The following MRPL4 variants were observed in gnomAD, a reference collection of about 807,000 sequenced individuals.
The protein encoded by MRPL4 is large ribosomal subunit protein uL4m.
A neutral mutation model predicts 34.1 loss-of-function variants in MRPL4; 34 were observed. The ratio of observed to expected loss-of-function variants is 1.00; its 90% CI spans 0.76 to 1.33. MRPL4 has a LOEUF of 1.33. Among genes scored for constraint, MRPL4 ranks in the 40% most tolerant of loss-of-function variants. The pLI is 0.00. For missense variants in MRPL4, 402 were observed against 434.6 expected (o/e 0.92, Z 0.67); for synonymous variants, 196 against 188.3 (o/e 1.04, Z -0.33).
Position 10,252,621 on chromosome 19 carries a change from G to C in MRPL4, c.195G>C (p.Trp65Cys), listed in dbSNP as rs1365948230. 2.5e-6 allele frequency: 4 copies of C among 1,611,946 alleles called. No individual in the cohort carries two copies. Among genetic ancestry groups the C allele is most frequent in the Non-Finnish European group, 3.4e-6 (4 of 1,179,906 alleles). The change falls in exon 3 of 9, where the codon TGG (tryptophan) becomes TGC (cysteine). Residue 65 changes from tryptophan to cysteine, a missense_variant. Coordinates refer to ENST00000253099, the MANE Select transcript of MRPL4 (RefSeq NM_015956.3). ...VPTHRRPVQA[W>C]VESLRGFEQE... ...CTCATCGACGCCCAGTGCAGGCCTG[G>C]GTCGAGTCCTTGCGGGGCTTCGAGC...
chr19:10,253,784 T>G (rs1229303821), intron 3 of MRPL4, among the ~76,000 whole-genome samples: 1 of 122,120 alleles, frequency 8.2e-6, no homozygotes, highest in East Asian at 2.6e-4. Flanking sequence ...AGAGACAGAC[T>G]CCATCTCAAA....
intron 8 of MRPL4, chr19:10,259,275 G>A (rs1346038504): frequency 7.4e-7 from 1 of 1,353,968 alleles, no homozygotes; most frequent in Admixed American, 3.6e-5. Context: ...TCATCAGGGT[G>A]GCACGTCAGG....
rs1014913671 is a variant in MRPL4, at chr19:10,258,341, G to T, written c.552+13G>T. The T allele has an allele frequency of 2.5e-6, 4 of 1,613,876 alleles. No individual in the cohort carries two copies. The highest frequency in any genetic ancestry group is 2.2e-5 in the East Asian group (1 of 44,882). On this transcript the variant is annotated intron_variant, in intron 6 of 8. Transcript: ENST00000253099. ...CAAGCTGGCCCAGGTACAGCCATGG[G>T]GGGGCCCAGACAGCTGCTAGAGGTG...
chr19:10,259,556 G>A (rs2039889416), intron 8 of MRPL4, 61 bp from the exon 9 acceptor site: 3 of 1,542,526 alleles, frequency 1.9e-6, no homozygotes, highest in East Asian at 2.4e-5. Flanking sequence ...TGTGGGTGGG[G>A]TGAGGAGAGA....
chr19:10,257,176 T>G (rs73015182), intron 5 of MRPL4, among the ~76,000 whole-genome samples: 33,870 of 151,982 alleles, frequency 0.22, 4,870 homozygotes, highest in Non-Finnish European at 0.31. Context: ...ACTCCGGACC[T>G]CGGCCTTTGT....
Position 10,258,703 on chromosome 19 carries a change from G to T in MRPL4, c.739+18G>T. The T allele has an allele frequency of 1.9e-6, 3 of 1,614,076 alleles. No homozygotes were observed. Among genetic ancestry groups the T allele is most frequent in the Non-Finnish European group, 2.5e-6 (3 of 1,180,024 alleles). On this transcript the variant is annotated intron_variant, in intron 8 of 8. Coordinates refer to ENST00000253099, the MANE Select transcript of MRPL4 (RefSeq NM_015956.3). ...GGCTGTTGGTGAGCAAAGAGCCCAG[G>T]CCCCTAGAGTGCGCATGTGCAGGCT...
At chr19:10,259,518 G>C in intron 8 of MRPL4, 99 bp from the exon 9 acceptor site, 1 of 1,513,650 alleles carries the variant, frequency 6.6e-7, no homozygotes, top group Non-Finnish European at 8.8e-7. Flanking sequence ...CCACAGTGAC[G>C]ATCTCTGTAA....
rs559406887 is a variant in MRPL4, at chr19:10,252,459, C to G, written c.120C>G (p.Ser40Arg). 299 of 1,613,898 alleles carry G rather than the reference C, an allele frequency of 1.9e-4. 8 individuals are homozygous for G. In the South Asian group the frequency reaches 3.2e-3, roughly 17 times the overall value. Residue 40 changes from serine (S) to arginine (R), a missense_variant, in exon 2 of 9, where the codon AGC (serine) becomes AGG (arginine). Transcript: ENST00000253099. ...RATENPEQVA[S>R]EGLPEPVLRK... ...CCGAGAACCCGGAGCAGGTGGCGAG[C>G]GAGGGTAAGGCAACCGGGGTGGCTC...
intron 1 of MRPL4, 24 bp from the exon 2 acceptor site, chr19:10,252,373 C>G: frequency 1.2e-6 from 2 of 1,614,062 alleles, no homozygotes; most frequent in Non-Finnish European, 1.7e-6. Context: ...GGGGTCGTCT[C>G]TCACTTTCGC....
At chr19:10,252,966 TTGTCCCTCAG>T (rs1265336942) in intron 3 of MRPL4, 2 of 473,852 alleles carry the variant, frequency 4.2e-6, no homozygotes, top group Non-Finnish European at 7.4e-6. Context: ...CCTTCCCCTC[TTGTCCCTCAG>T]TGTCCCTATT....
chr19:10,254,549 A>G, intron 3 of MRPL4, 40 bp from the exon 4 acceptor site: 4 of 1,610,700 alleles, frequency 2.5e-6, no homozygotes, highest in Non-Finnish European at 2.5e-6. Flanking sequence ...GGAGCGTTTG[A>G]AGCAGAGTTG....
chr19:10,256,614 G>T (rs1018733208), intron 4 of MRPL4, 94 bp from the exon 5 acceptor site: 1 of 976,928 alleles, frequency 1.0e-6, no homozygotes, highest in Non-Finnish European at 1.6e-6. Flanking sequence ...TCATCATGGT[G>T]CCTCCTGTCT....
chr19:10,255,825 T>A (rs2039846120), intron 4 of MRPL4: 1 of 152,340 alleles, frequency 6.6e-6, no homozygotes, highest in East Asian at 1.9e-4. Context: ...TGGCCCTCCC[T>A]CCTTGTGGCT....
chr19:10,253,999 A>G (rs1011123287), intron 3 of MRPL4, among the ~76,000 whole-genome samples: 2 of 152,066 alleles, frequency 1.3e-5, no homozygotes, highest in East Asian at 1.9e-4. Flanking sequence ...AAGTAATGGT[A>G]GGAAAAACAA....
intron 6 of MRPL4, 37 bp from the exon 7 acceptor site, chr19:10,258,376 T>C: frequency 6.2e-7 from 1 of 1,613,884 alleles, no homozygotes; most frequent in Admixed American, 1.7e-5. Flanking sequence ...GGGGCTGCTC[T>C]GGACCCAGGG....
Position 10,254,582 on chromosome 19 carries a change from C to T in MRPL4, c.276-7C>T, listed in dbSNP as rs1344122791. 6.2e-7 allele frequency: 1 copy of T among 1,613,502 alleles called. No individual in the cohort carries two copies. The highest frequency in any genetic ancestry group is 1.3e-5 in the African/African-American group (1 of 75,048). On this transcript the variant is annotated splice_region_variant and splice_polypyrimidine_tract_variant and intron_variant, in intron 3 of 8. Transcript: ENST00000253099. ...TTGGGCTTCTCATGTGTCCTTCCTC[C>T]CCGCAGGCTGGACATACTGCACCAG...
At position 10,256,754 on chromosome 19, in the gene MRPL4, G is replaced by A. The variant is rs369376597; in HGVS notation, c.374G>A (p.Arg125Gln). Residue 125 changes from arginine (R) to glutamine (Q), a missense_variant, in exon 5 of 9, where the codon CGG becomes CAG. Transcript: ENST00000253099. ...AGAGCCGAGGTGCGGGGCGGTGGCC[G>A]GAAGCCTTGGCCGCAGAAAGGCACT... ...KTRAEVRGGG[R>Q]KPWPQKGTGR... is the part of the protein sequence containing the mutation. 6.7e-5 allele frequency: 107 copies of A among 1,599,858 alleles called. No homozygotes were observed. The highest frequency in any genetic ancestry group is 7.8e-5 in the Non-Finnish European group (91 of 1,173,446).
At chr19:10,252,129 C>A, upstream of MRPL4, 1 of 1,252,562 alleles carries the variant, frequency 8.0e-7, no homozygotes, top group Non-Finnish European at 1.1e-6. Flanking sequence ...TTCGGTTTTG[C>A]ACACCCCGCT....
intron 4 of MRPL4, among the ~76,000 whole-genome samples, chr19:10,255,991 C>CA (rs929717284): frequency 1.3e-5 from 2 of 151,884 alleles, no homozygotes; most frequent in Admixed American, 6.6e-5. Context: ...ACTGAAAATA[C>CA]AAAAAATTAG....
Sources: gnomAD v4.1 joint callset for allele counts (sites outside exome capture counted in the v4.1 genomes callset) on GRCh38, gnomAD v4.1.1 for gene constraint, MANE v1.5 for transcripts, NCBI Gene and HGNC (gene_info 2026-07-23, HGNC 2026-07-21) for gene names.